SLC41A2: variants seen among roughly 807,000 people sequenced by gnomAD.
SLC41A2 encodes the protein solute carrier family 41 member 2.
In SLC41A2, 32 loss-of-function variants were observed where a neutral mutation model predicts 58.3. The observed-to-expected ratio is 0.55, with a 90% confidence interval of 0.41 to 0.74. The LOEUF is 0.74. Ranked by LOEUF, SLC41A2 falls within the 30% of genes least tolerant of loss-of-function variation. The pLI is 0.00. For missense variants in SLC41A2, 514 were observed against 680.6 expected, an observed-to-expected ratio of 0.76 and a Z score of 2.72; for synonymous variants, 190 against 235.0, an observed-to-expected ratio of 0.81 and a Z score of 1.75.
intron 4 of SLC41A2, among the ~76,000 whole-genome samples, chr12:104,892,639 G>A (rs1293451808): frequency 6.6e-6 from 1 of 152,094 alleles, no homozygotes; most frequent in African/African-American, 2.4e-5. Flanking sequence ...CCAAAAGACA[G>A]TACTGGCATA....
rs1471191957 is a variant in SLC41A2 at position 104,866,373 on chromosome 12, G to GACGTACAC, written c.1175+58_1175+59insGTGTACGT. The stretch of plus-strand genomic sequence containing the variant: ...TGCTTATAGAAGACACACAAAGACA[G>GACGTACAC]ACAGACGTACACACACACACACACA... On this transcript the variant is annotated intron_variant, in intron 7 of 10. Coordinates refer to ENST00000258538, the MANE Select transcript of SLC41A2 (RefSeq NM_001352171.3). 1.7e-5 allele frequency: 24 copies of GACGTACAC among 1,436,608 alleles called. No individual in the cohort carries two copies. In the African/African-American group the frequency reaches 4.2e-4, roughly 25 times the overall value. The allele number at this position is 1,436,608 out of a possible 1,614,324, so 89.0% of individuals were successfully genotyped here.
In SLC41A2 at chr12:104,892,177, G is replaced by A. The variant is rs2045011580; in HGVS notation, c.736-3000C>T. 2.6e-5 allele frequency among the ~76,000 whole-genome samples: 4 copies of A among 151,800 alleles called. No homozygotes were observed. The South Asian group carries it at 8.3e-4, about 32-fold the overall frequency. ...TAGCTGGGCATGGTGGCACACCCCAGTAATCCCAGCTGAGGTGGGAGAATT... is the reference window on the plus strand; with the variant it reads ...TAGCTGGGCATGGTGGCACACCCCAATAATCCCAGCTGAGGTGGGAGAATT... On this transcript the variant is annotated intron_variant, in intron 4 of 10. Coordinates refer to ENST00000258538, the MANE Select transcript of SLC41A2 (RefSeq NM_001352171.3).
In SLC41A2 at chr12:104,853,651, C is replaced by T. The variant is rs373482129; in HGVS notation, c.1255+7640G>A. Among the ~76,000 whole-genome samples, 11 of 152,112 alleles carry T rather than the reference C, an allele frequency of 7.2e-5. No homozygotes were observed. In the East Asian group the frequency reaches 1.4e-3, roughly 19 times the overall value. ...TGTAGACAAGGTGGTAAATGGCTGACGAACTCTCTAAATTTTCTACTTCCT... is the reference window on the plus strand; with the variant it reads ...TGTAGACAAGGTGGTAAATGGCTGATGAACTCTCTAAATTTTCTACTTCCT... On this transcript the variant is annotated intron_variant, in intron 8 of 10. Transcript: ENST00000258538.
chr12:104,872,716 G>A (rs1171910860), intron 6 of SLC41A2, among the ~76,000 whole-genome samples: 2 of 152,028 alleles, frequency 1.3e-5, no homozygotes, highest in Non-Finnish European at 1.5e-5. Flanking sequence ...GGCGACAGTC[G>A]AGCAAGACTC....
intron 3 of SLC41A2, among the ~76,000 whole-genome samples, chr12:104,905,297 G>A (rs926732476): frequency 1.3e-5 from 2 of 152,156 alleles, no homozygotes; most frequent in Non-Finnish European, 2.9e-5. Context: ...GGTTCTCCAC[G>A]TCCTCACCAG....
intron 2 of SLC41A2, among the ~76,000 whole-genome samples, chr12:104,917,596 C>A (rs950461409): frequency 6.6e-6 from 1 of 151,136 alleles, no homozygotes; most frequent in Non-Finnish European, 1.5e-5. Flanking sequence ...CAATGATAGA[C>A]TGGATTAAGA....
intron 8 of SLC41A2, among the ~76,000 whole-genome samples, chr12:104,849,497 T>C (rs993839818): frequency 5.3e-5 from 8 of 152,176 alleles, no homozygotes; most frequent in Non-Finnish European, 8.8e-5. Context: ...GTGTCAACTG[T>C]TATAATCCCT....
chr12:104,882,408 T>C (rs1033342029), intron 6 of SLC41A2, among the ~76,000 whole-genome samples: 1 of 152,240 alleles, frequency 6.6e-6, no homozygotes, highest in South Asian at 2.1e-4. Context: ...AGTTTCTTCA[T>C]AGCATCGATG....
intron 10 of SLC41A2, among the ~76,000 whole-genome samples, chr12:104,824,434 TCC>T (rs2041763718): frequency 6.6e-6 from 1 of 152,098 alleles, no homozygotes; most frequent in Non-Finnish European, 1.5e-5. Context: ...AGCCCAGGCC[TCC>T]AAGCGGCCCG....
intron 6 of SLC41A2, among the ~76,000 whole-genome samples, chr12:104,875,011 C>T (rs981731960): frequency 1.3e-5 from 2 of 152,122 alleles, no homozygotes; most frequent in Non-Finnish European, 2.9e-5. Context: ...CAATTTATTT[C>T]ATTAATGTTT....
At chr12:104,811,586 T>C (rs2041176562) in intron 10 of SLC41A2, among the ~76,000 whole-genome samples, 1 of 152,206 alleles carries the variant, frequency 6.6e-6, no homozygotes, top group African/African-American at 2.4e-5. Context: ...ACCATATATA[T>C]GATGCATTTT....
At chr12:104,884,481 C>T (rs1241764022) in intron 6 of SLC41A2, among the ~76,000 whole-genome samples, 1 of 152,090 alleles carries the variant, frequency 6.6e-6, no homozygotes, top group Non-Finnish European at 1.5e-5. Flanking sequence ...GAACTGTATA[C>T]CTGTATTTTT....
intron 1 of SLC41A2, among the ~76,000 whole-genome samples, chr12:104,930,755 T>C (rs2047019497): frequency 6.6e-6 from 1 of 151,960 alleles, no homozygotes; most frequent in Non-Finnish European, 1.5e-5. Context: ...ATAGCAAAAC[T>C]AGGTAGAAAA....
intron 2 of SLC41A2, among the ~76,000 whole-genome samples, chr12:104,913,642 C>T (rs2046182571): frequency 6.6e-6 from 1 of 152,146 alleles, no homozygotes; most frequent in African/African-American, 2.4e-5. Flanking sequence ...TTCCTTTTTC[C>T]CCTCCTTTGA....
At chr12:104,835,066 T>C (rs1474753609) in intron 10 of SLC41A2, among the ~76,000 whole-genome samples, 2 of 152,174 alleles carry the variant, frequency 1.3e-5, no homozygotes, top group Non-Finnish European at 2.9e-5. Flanking sequence ...ATGATGATGA[T>C]GTTGATATTA....
At position 104,844,740 on chromosome 12, in the gene SLC41A2, T is replaced by C. The variant is rs2042541833; in HGVS notation, c.1388-120A>G. 3 of 423,196 alleles carry C rather than the reference T, an allele frequency of 7.1e-6. No homozygotes were observed. In the South Asian group the frequency reaches 2.7e-4, roughly 38 times the overall value. 26.2% of individuals were successfully genotyped at this position (423,196 alleles called of 1,614,324 possible). ...CTATACTTCATACTATCACATGAAATTTGATTGCCAAAAATAAATTTCAAG... is the reference window on the plus strand; with the variant it reads ...CTATACTTCATACTATCACATGAAACTTGATTGCCAAAAATAAATTTCAAG... On this transcript the variant is annotated intron_variant, in intron 9 of 10. Coordinates refer to ENST00000258538, the MANE Select transcript of SLC41A2 (RefSeq NM_001352171.3).
intron 10 of SLC41A2, among the ~76,000 whole-genome samples, chr12:104,823,532 G>A (rs1566107175): frequency 6.6e-6 from 1 of 152,096 alleles, no homozygotes; most frequent in East Asian, 1.9e-4. Context: ...AAGGGAGAAT[G>A]ATAGTCTTCC....
chr12:104,892,383 C>A (rs1022501117), intron 4 of SLC41A2, among the ~76,000 whole-genome samples: 1 of 151,296 alleles, frequency 6.6e-6, no homozygotes, highest in African/African-American at 2.4e-5. Context: ...TAAAGATATT[C>A]TATGTTCATG....
rs2044814080 is a variant in SLC41A2, at chr12:104,889,102, A to G, written c.811T>C (p.Tyr271His). ...CACAGAAGTATGGAATGATCAAGGT[A>G]ATATTTTCCTTCTGGAATCCAGCCC... ...ILGWIPEGKY[Y>H]LDHSILLCSS... is the part of the protein sequence containing the mutation. Residue 271 changes from tyrosine to histidine, a missense_variant, in exon 5 of 11, where the codon TAC becomes CAC. Physicochemically the swap from Tyr to His is moderately conservative, Grantham distance 83 (BLOSUM62 2). This residue lies in a region of SLC41A2 where 336 missense variants were observed against 430.0 expected (regional missense o/e 0.78). Transcript: ENST00000258538. The G allele has an allele frequency of 6.2e-7, 1 of 1,611,830 alleles. No homozygotes were observed. Among genetic ancestry groups the G allele is most frequent in the Non-Finnish European group, 8.5e-7 (1 of 1,179,476 alleles).
Sources: allele counts gnomAD v4.1 joint callset (sites outside exome capture counted in the v4.1 genomes callset), GRCh38; gene constraint gnomAD v4.1.1; regional missense constraint gnomAD v4.1.1; transcripts MANE v1.5; gene names NCBI Gene and HGNC (gene_info 2026-07-23, HGNC 2026-07-21).